ZNF385D: variants seen among roughly 807,000 people sequenced by gnomAD.
ZNF385D encodes zinc finger protein 659.
Under a neutral mutation model 35.8 loss-of-function variants are expected in ZNF385D, and 15 were observed. The ratio of observed to expected loss-of-function variants is 0.42; its 90% CI spans 0.28 to 0.64. The LOEUF is 0.64. Among genes scored for constraint, ZNF385D ranks in the 30% least tolerant of loss-of-function variants. The pLI is 0.23. For missense variants in ZNF385D, 474 were observed against 494.6 expected, an observed-to-expected ratio of 0.96 and a Z score of 0.39; for synonymous variants, 212 against 186.8, an observed-to-expected ratio of 1.13 and a Z score of -1.10.
At chr3:21,718,361 C>T (rs907260905) in intron 1 of ZNF385D, among the ~76,000 whole-genome samples, 1 of 152,174 alleles carries the variant, frequency 6.6e-6, no homozygotes, top group South Asian at 2.1e-4. Context: ...AGGGACATTC[C>T]TGAAAGCCCA....
At chr3:21,819,324 G>C (rs1436898605) in intron 3 of ZNF385D, among the ~76,000 whole-genome samples, 1 of 151,674 alleles carries the variant, frequency 6.6e-6, no homozygotes, top group Non-Finnish European at 1.5e-5. Context: ...AAGATTGTCA[G>C]ATGAGACTGG....
At chr3:22,114,336 A>G (rs1702700883) in intron 3 of ZNF385D, among the ~76,000 whole-genome samples, 1 of 152,148 alleles carries the variant, frequency 6.6e-6, no homozygotes, top group Non-Finnish European at 1.5e-5. Flanking sequence ...ACTGATAAAC[A>G]GTCTGTATTT....
chr3:21,511,104 C>G, intron 3 of ZNF385D, 81 bp from the exon 4 acceptor site: 1 of 1,533,936 alleles, frequency 6.5e-7, no homozygotes, highest in East Asian at 2.3e-5. Context: ...AATACAGACT[C>G]CCTTTCAATA....
Position 21,597,412 on chromosome 3 carries a change from A to G in ZNF385D, c.166-32728T>C, listed in dbSNP as rs530121757. 9.8e-5 allele frequency among the ~76,000 whole-genome samples: 15 copies of G among 152,334 alleles called. No homozygotes were observed. In the South Asian group the frequency reaches 3.1e-3, roughly 32 times the overall value. Reference sequence around the variant, plus strand: ...CACAAGAAAATGAGCCATGATCTCTACTTCCACAAAACTTGTAAATATAAT... The same window carrying G: ...CACAAGAAAATGAGCCATGATCTCTGCTTCCACAAAACTTGTAAATATAAT... On this transcript the variant is annotated intron_variant, in intron 2 of 7. Transcript: ENST00000281523.
intron 3 of ZNF385D, among the ~76,000 whole-genome samples, chr3:21,517,883 C>T (rs1181208621): frequency 6.6e-6 from 1 of 152,096 alleles, no homozygotes. Flanking sequence ...AGCATTTGTT[C>T]TCAAATTCTG....
At chr3:22,365,493 A>AT (rs869250677) in intron 2 of ZNF385D, among the ~76,000 whole-genome samples, 23 of 151,518 alleles carry the variant, frequency 1.5e-4, no homozygotes, top group Non-Finnish European at 2.4e-4. Flanking sequence ...TCTAAAAAAA[A>AT]TTTTTTTTTG....
chr3:21,425,641 G>C lies in ZNF385D; in HGVS notation c.703C>G (p.Arg235Gly). The change falls in exon 6 of 8, where the codon CGG (arginine) becomes GGG (glycine). Residue 235 changes from arginine (R) to glycine (G), a missense_variant. Physicochemically the swap from Arg to Gly is moderately radical, Grantham distance 125. Transcript: ENST00000281523. ...GTKHKTMLEA[R>G]NGSGTIKAFP... ...GCTTTGATAGTGCCACTTCCATTCC[G>C]GGCTTCTAACATGGTTTTGTGCTTA... is the stretch of plus-strand genomic sequence containing the variant. 1 of 1,594,042 alleles carries C rather than the reference G, an allele frequency of 6.3e-7. No homozygotes were observed. Among genetic ancestry groups the C allele is most frequent in the Non-Finnish European group, 8.6e-7 (1 of 1,168,760 alleles).
intron 2 of ZNF385D, among the ~76,000 whole-genome samples, chr3:22,221,118 C>A (rs1471176101): frequency 6.6e-6 from 1 of 151,690 alleles, no homozygotes; most frequent in African/African-American, 2.4e-5. Flanking sequence ...TGTATGTGTG[C>A]GAGTGTGTGT....
At chr3:22,126,510 G>T (rs532867069) in intron 3 of ZNF385D, among the ~76,000 whole-genome samples, 2 of 151,540 alleles carry the variant, frequency 1.3e-5, no homozygotes, top group South Asian at 4.2e-4. Flanking sequence ...TCTTGTTATT[G>T]GTTTCTAGTT....
At chr3:22,265,795 A>G (rs1219364776) in intron 2 of ZNF385D, among the ~76,000 whole-genome samples, 2 of 151,932 alleles carry the variant, frequency 1.3e-5, no homozygotes, top group Admixed American at 1.3e-4. Flanking sequence ...GTGTTTTAAC[A>G]TTTGCTGCCT....
chr3:21,844,665 G>T (rs1003181762), intron 3 of ZNF385D, among the ~76,000 whole-genome samples: 1 of 151,934 alleles, frequency 6.6e-6, no homozygotes. Flanking sequence ...AAGTTCACCT[G>T]GTGCAAGATG....
intron 1 of ZNF385D, among the ~76,000 whole-genome samples, chr3:21,697,680 C>T (rs761912409): frequency 2.3e-4 from 35 of 151,888 alleles, no homozygotes; most frequent in East Asian, 7.7e-4. Flanking sequence ...ATCTACAGAA[C>T]GGGAGAAAAT....
At chr3:21,992,450 A>G (rs977269687) in intron 3 of ZNF385D, among the ~76,000 whole-genome samples, 1 of 152,178 alleles carries the variant, frequency 6.6e-6, no homozygotes, top group Admixed American at 6.5e-5. Context: ...TTCAAATTAT[A>G]TTATCATCAT....
intron 3 of ZNF385D, among the ~76,000 whole-genome samples, chr3:21,804,985 T>A (rs1327304109): frequency 2.0e-5 from 3 of 152,212 alleles, no homozygotes; most frequent in African/African-American, 7.2e-5. Flanking sequence ...GAAGCAAGAT[T>A]GATTCCTATT....
chr3:21,913,364 CAG>C (rs1366149374), intron 3 of ZNF385D, among the ~76,000 whole-genome samples: 3 of 152,086 alleles, frequency 2.0e-5, no homozygotes, highest in Non-Finnish European at 4.4e-5. Context: ...AACTCATTAA[CAG>C]AAAAAATTGG....
intron 3 of ZNF385D, among the ~76,000 whole-genome samples, chr3:21,998,844 A>G (rs544091774): frequency 1.3e-5 from 2 of 152,328 alleles, no homozygotes; most frequent in South Asian, 4.1e-4. Flanking sequence ...ATACGCACAC[A>G]CATAGACACA....
intron 3 of ZNF385D, among the ~76,000 whole-genome samples, chr3:22,071,197 G>T (rs912728106): frequency 6.6e-6 from 1 of 152,104 alleles, no homozygotes; most frequent in Non-Finnish European, 1.5e-5. Flanking sequence ...CTCTTTAAAA[G>T]CTAAATTCAT....
At chr3:22,303,998 G>C (rs1030491258) in intron 2 of ZNF385D, among the ~76,000 whole-genome samples, 1 of 152,032 alleles carries the variant, frequency 6.6e-6, no homozygotes, top group Admixed American at 6.6e-5. Context: ...GGCTGGTCTC[G>C]AACTCCTGAC....
At chr3:21,947,162 T>A (rs149576250) in intron 3 of ZNF385D, among the ~76,000 whole-genome samples, 2,624 of 152,262 alleles carry the variant, frequency 0.017, 81 homozygotes, top group African/African-American at 0.058. Flanking sequence ...CACTTGGATA[T>A]AAGGAACACT....
Sources: allele counts gnomAD v4.1 joint callset (sites outside exome capture counted in the v4.1 genomes callset), GRCh38; gene constraint gnomAD v4.1.1; transcripts MANE v1.5; gene names NCBI Gene and HGNC (gene_info 2026-07-23, HGNC 2026-07-21).